SEC14L1: variants seen among roughly 807,000 people sequenced by gnomAD.
SEC14L1 encodes the protein SEC14-like protein 1.
SEC14L1 carries 48 observed loss-of-function variants against 85.3 expected under a neutral mutation model. That is an observed-to-expected ratio of 0.56 (90% confidence interval 0.45 to 0.72). The LOEUF (loss-of-function observed/expected upper bound fraction) is 0.72, where lower values mean the gene tolerates loss of function less well. SEC14L1 is among the 30% of genes least tolerant of loss of function. The pLI is 0.00. For synonymous variants in SEC14L1, 391 were observed against 355.5 expected, an observed-to-expected ratio of 1.10 and a Z score of -1.12; for missense variants, 682 against 921.4, an observed-to-expected ratio of 0.74 and a Z score of 3.36.
chr17:77,116,223 A>G (rs1972169489), intron 3 of SEC14L1, among the ~76,000 whole-genome samples: 1 of 152,140 alleles, frequency 6.6e-6, no homozygotes, highest in African/African-American at 2.4e-5. Context: ...CCCGGCTGAC[A>G]TACATATTTT....
At chr17:77,162,059 G>A (rs1470618413) in intron 3 of SEC14L1, among the ~76,000 whole-genome samples, 1 of 151,932 alleles carries the variant, frequency 6.6e-6, no homozygotes, top group Non-Finnish European at 1.5e-5. Flanking sequence ...GAATGGTTTA[G>A]AGCCAGGTTC....
intron 3 of SEC14L1, among the ~76,000 whole-genome samples, chr17:77,108,797 A>AC (rs1971981146): frequency 6.7e-6 from 1 of 149,354 alleles, no homozygotes; most frequent in Non-Finnish European, 1.5e-5. Flanking sequence ...CAAAAAAAAA[A>AC]AAAAAAAAGA....
At chr17:77,093,867 GGGGTGACA>G (rs1196916512) in intron 3 of SEC14L1, 1 of 152,180 alleles carries the variant, frequency 6.6e-6, no homozygotes, top group African/African-American at 2.4e-5. Flanking sequence ...CAAATATGCT[GGGGTGACA>G]GGCATGAGCC....
At chr17:77,176,151 G>A (rs773486476) in intron 3 of SEC14L1, among the ~76,000 whole-genome samples, 1 of 152,062 alleles carries the variant, frequency 6.6e-6, no homozygotes, top group Non-Finnish European at 1.5e-5. Context: ...TTAGCTGAGC[G>A]TGGTGCTGCA....
At chr17:77,120,580 G>A (rs188972093) in intron 3 of SEC14L1, among the ~76,000 whole-genome samples, 2,048 of 152,112 alleles carry the variant, frequency 0.013, 47 homozygotes, top group African/African-American at 0.047. Flanking sequence ...AGGTTCAAGC[G>A]ATTCTCCTGC....
intron 3 of SEC14L1, among the ~76,000 whole-genome samples, chr17:77,130,580 C>A (rs751430990): frequency 6.6e-6 from 1 of 152,196 alleles, no homozygotes; most frequent in Middle Eastern, 3.4e-3. Flanking sequence ...GCCTCGACCT[C>A]CCAAAGTGCT....
intron 3 of SEC14L1, among the ~76,000 whole-genome samples, chr17:77,156,077 T>C (rs1477523559): frequency 6.6e-6 from 1 of 152,182 alleles, no homozygotes; most frequent in Admixed American, 6.5e-5. Context: ...CTTGACCACA[T>C]ACTTGCCTGG....
intron 3 of SEC14L1, among the ~76,000 whole-genome samples, chr17:77,152,328 G>A (rs1207285018): frequency 2.0e-5 from 3 of 152,080 alleles, no homozygotes; most frequent in Non-Finnish European, 2.9e-5. Context: ...TTGAGGTCAG[G>A]AGTTTGAGAC....
At chr17:77,143,157 T>A (rs1379307379) in intron 2 of SEC14L1, among the ~76,000 whole-genome samples, 3 of 152,254 alleles carry the variant, frequency 2.0e-5, no homozygotes, top group African/African-American at 7.2e-5. Context: ...TAACACGAGA[T>A]CATTTTTATT....
intron 3 of SEC14L1, among the ~76,000 whole-genome samples, chr17:77,128,389 C>CATTTT (rs144559197): frequency 0.015 from 1,917 of 129,874 alleles, 33 homozygotes; most frequent in South Asian, 0.021. Flanking sequence ...CACACTTGAG[C>CATTTT]ATTTTATTTT....
chr17:77,214,750 G>C lies in SEC14L1; in HGVS notation c.*727G>C. The C allele has an allele frequency of 1.0e-6, 1 of 985,436 alleles. No individual in the cohort carries two copies. 61.0% of individuals were successfully genotyped at this position (985,436 alleles called of 1,614,324 possible). On this transcript the variant is annotated 3_prime_UTR_variant, in exon 17 of 17. Coordinates refer to ENST00000436233, the MANE Select transcript of SEC14L1 (RefSeq NM_001143998.2). ...ATCTTTTTGATACTTTTTAGAGCAG[G>C]ATTTTTCTGTATGTGAACTTGGGTG... is the stretch of plus-strand genomic sequence containing the variant.
intron 8 of SEC14L1, chr17:77,199,622 T>C (rs933510761): frequency 2.0e-5 from 3 of 152,318 alleles, no homozygotes; most frequent in African/African-American, 7.2e-5. Context: ...TTATTCTAAC[T>C]TTTTATTTAA....
intron 3 of SEC14L1, among the ~76,000 whole-genome samples, chr17:77,188,412 CTTTT>C (rs10706544): frequency 2.8e-5 from 4 of 142,994 alleles, no homozygotes; most frequent in Non-Finnish European, 1.5e-5. Context: ...ACTGCTGAGG[CTTTT>C]TTTTTTTTTT....
intron 3 of SEC14L1, among the ~76,000 whole-genome samples, chr17:77,189,893 G>A (rs1975445189): frequency 6.6e-6 from 1 of 152,222 alleles, no homozygotes; most frequent in Non-Finnish European, 1.5e-5. Flanking sequence ...CTCCCAAAGT[G>A]CTGAGATTAC....
At chr17:77,137,656 G>C (rs1334385635), upstream of SEC14L1, among the ~76,000 whole-genome samples, 2 of 152,240 alleles carry the variant, frequency 1.3e-5, no homozygotes, top group Non-Finnish European at 2.9e-5. Context: ...CATCAGGACT[G>C]AGACCTAAGA....
intron 3 of SEC14L1, among the ~76,000 whole-genome samples, chr17:77,167,123 C>CT (rs1974316159): frequency 1.4e-5 from 2 of 142,502 alleles, no homozygotes; most frequent in East Asian, 4.1e-4. Flanking sequence ...GCTTGTTTGT[C>CT]TTTCTGTTTT....
At chr17:77,198,564 T>C (rs1228797223) in intron 8 of SEC14L1, among the ~76,000 whole-genome samples, 1 of 151,940 alleles carries the variant, frequency 6.6e-6, no homozygotes, top group Non-Finnish European at 1.5e-5. Flanking sequence ...TGAATTCTGG[T>C]GTATGAGATC....
intron 3 of SEC14L1, among the ~76,000 whole-genome samples, chr17:77,180,086 ATGT>A (rs1974957695): frequency 6.8e-6 from 1 of 147,026 alleles, no homozygotes; most frequent in Non-Finnish European, 1.5e-5. Context: ...ATGTTATGTT[ATGT>A]TATGTTATGT....
chr17:77,108,360 G>A (rs527269481), intron 3 of SEC14L1, among the ~76,000 whole-genome samples: 7 of 152,302 alleles, frequency 4.6e-5, no homozygotes, highest in African/African-American at 1.4e-4. Context: ...GGACAGTTGG[G>A]AGGTGGCAGC....
Sources: allele counts gnomAD v4.1 joint callset (sites outside exome capture counted in the v4.1 genomes callset), GRCh38; gene constraint gnomAD v4.1.1; transcripts MANE v1.5; gene names NCBI Gene and HGNC (gene_info 2026-07-23, HGNC 2026-07-21).